The following CHST6 variants were observed in gnomAD, a reference collection of about 807,000 sequenced individuals.
CHST6 encodes carbohydrate sulfotransferase 6.
For synonymous variants in CHST6, 309 were observed against 276.4 expected (o/e 1.12, Z -1.17); for missense variants, 698 against 586.2 (o/e 1.19, Z -1.97).
chr16:75,474,636 A>G lies in CHST6; in HGVS notation c.*4005T>C, dbSNP rs984041452. On this transcript the variant is annotated 3_prime_UTR_variant, in exon 3 of 3. Coordinates refer to ENST00000332272, the MANE Select transcript of CHST6 (RefSeq NM_021615.5). ...ACAGTTCTGGAGGCTGGGAAGCCCA[A>G]GATCAAGGAGCCAGCATCTAGCGAG... 7.5e-6 allele frequency: 3 copies of G among 398,882 alleles called. No homozygotes were observed. The highest frequency in any genetic ancestry group is 1.3e-5 in the Non-Finnish European group (3 of 226,386). The allele number at this position is 398,882 out of a possible 1,614,324, so 24.7% of individuals were successfully genotyped here. A position where few individuals can be genotyped will look rare whatever the true frequency, so the allele number is the denominator to read the frequency against.
At chr16:75,484,809 A>C (rs2080178199) in intron 1 of CHST6, among the ~76,000 whole-genome samples, 1 of 151,998 alleles carries the variant, frequency 6.6e-6, no homozygotes, top group Non-Finnish European at 1.5e-5. Flanking sequence ...GCGCCACTGT[A>C]CTCCAGCCTG....
At chr16:75,485,807 A>T (rs1180406613) in intron 1 of CHST6, among the ~76,000 whole-genome samples, 1 of 152,150 alleles carries the variant, frequency 6.6e-6, no homozygotes, top group Non-Finnish European at 1.5e-5. Context: ...TGGCTATGTG[A>T]CGGTCAAGGG....
chr16:75,479,348 C>G lies in CHST6; in HGVS notation c.481G>C (p.Ala161Pro). ...PLCARQSFTL[A>P]REACRSYSHV... ...CTGTAGGAGCGGCAGGCCTCCCGGG[C>G]CAGGGTGAAGGACTGCCGCGCGCAC... is the stretch of plus-strand genomic sequence containing the variant. The change falls in exon 3 of 3, where the codon GCC becomes CCC. Residue 161 changes from alanine to proline, a missense_variant. Physicochemically the swap from Ala to Pro is conservative, Grantham distance 27. Transcript: ENST00000332272. 6.2e-7 allele frequency: 1 copy of G among 1,612,760 alleles called. No individual in the cohort carries two copies.
In CHST6 at chr16:75,474,403, T is replaced by C. The variant is rs570273277; in HGVS notation, c.*4238A>G. 3.0e-4 allele frequency: 115 copies of C among 382,376 alleles called. No homozygotes were observed. Among genetic ancestry groups the C allele is most frequent in the Admixed American group, 5.9e-4 (13 of 22,196 alleles). The allele number at this position is 382,376 out of a possible 1,614,324, so 23.7% of individuals were successfully genotyped here. On this transcript the variant is annotated 3_prime_UTR_variant, in exon 3 of 3. Transcript: ENST00000332272. ...AGTCCTCCCAACTCAGCCTCCCAAG[T>C]AGCTAGGACTACAGGTGCACGACAC...
intron 2 of CHST6, 43 bp from the exon 3 acceptor site, chr16:75,479,887 G>T: frequency 6.6e-7 from 1 of 1,504,386 alleles, no homozygotes; most frequent in Non-Finnish European, 8.9e-7. Flanking sequence ...CAGCCTGCAC[G>T]CCCATCCCGT....
At chr16:75,485,104 T>C (rs138123382) in intron 1 of CHST6, among the ~76,000 whole-genome samples, 1 of 152,054 alleles carries the variant, frequency 6.6e-6, no homozygotes, top group African/African-American at 2.4e-5. Context: ...ATGATGAAAA[T>C]GATCATATTT....
chr16:75,486,973 T>C (rs904458200), intron 1 of CHST6, among the ~76,000 whole-genome samples: 39 of 152,342 alleles, frequency 2.6e-4, no homozygotes, highest in African/African-American at 8.7e-4. Flanking sequence ...CTCTGAAGAA[T>C]GGCATACTTC....
rs1427596725 is a variant in CHST6 at position 75,475,941 on chromosome 16, A to T, written c.*2700T>A. On this transcript the variant is annotated 3_prime_UTR_variant, in exon 3 of 3. Coordinates refer to ENST00000332272, the MANE Select transcript of CHST6 (RefSeq NM_021615.5). ...GCTCACTGCACTGTCCGCCTCCTGGATTCAAGGGATTCTCCTGCCTCAGCC... is the reference window on the plus strand; with the variant it reads ...GCTCACTGCACTGTCCGCCTCCTGGTTTCAAGGGATTCTCCTGCCTCAGCC... 2.0e-5 allele frequency: 3 copies of T among 152,066 alleles called. No individual in the cohort carries two copies. The highest frequency in any genetic ancestry group is 4.4e-5 in the Non-Finnish European group (3 of 68,034). 9.4% of individuals were successfully genotyped at this position (152,066 alleles called of 1,614,324 possible). A position where few individuals can be genotyped will look rare whatever the true frequency, so the allele number is the denominator to read the frequency against.
chr16:75,476,141 C>T lies in CHST6; in HGVS notation c.*2500G>A, dbSNP rs1454355807. 1 of 152,144 alleles carries T rather than the reference C, an allele frequency of 6.6e-6. No homozygotes were observed. Among genetic ancestry groups the T allele is most frequent in the East Asian group, 1.9e-4 (1 of 5,182 alleles). 9.4% of individuals were successfully genotyped at this position (152,144 alleles called of 1,614,324 possible). On this transcript the variant is annotated 3_prime_UTR_variant, in exon 3 of 3. Coordinates refer to ENST00000332272, the MANE Select transcript of CHST6 (RefSeq NM_021615.5). ...GGATTACAGGCATGAGCCACCACGC[C>T]TGGCTTGTGGTTGAAATCTTAACCC...
chr16:75,477,547 G>A lies in CHST6; in HGVS notation c.*1094C>T, dbSNP rs2080079443. 1 of 152,262 alleles carries A rather than the reference G, an allele frequency of 6.6e-6. No homozygotes were observed. Among genetic ancestry groups the A allele is most frequent in the Non-Finnish European group, 1.5e-5 (1 of 68,108 alleles). The allele number at this position is 152,262 out of a possible 1,614,324, so 9.4% of individuals were successfully genotyped here. A position where few individuals can be genotyped will look rare whatever the true frequency, so the allele number is the denominator to read the frequency against. On this transcript the variant is annotated 3_prime_UTR_variant, in exon 3 of 3. Transcript: ENST00000332272. ...TTTATGTGGCTAACTCAACTTCCCT[G>A]TCCTTTCCAGAGGTTCCATGAGCTC...
chr16:75,479,753 C>A lies in CHST6; in HGVS notation c.76G>T (p.Val26Phe), dbSNP rs756281489. 20 of 1,602,072 alleles carry A rather than the reference C, an allele frequency of 1.2e-5. No individual in the cohort carries two copies. The highest frequency in any genetic ancestry group is 1.5e-5 in the Non-Finnish European group (18 of 1,174,892). The change falls in exon 3 of 3, where the codon GTT (valine) becomes TTT (phenylalanine). Residue 26 changes from valine (V) to phenylalanine (F), a missense_variant. Physicochemically the swap from Val to Phe is conservative, Grantham distance 50. Transcript: ENST00000332272. ...GGGGACGAGGGCCCTGGCCGGGAAACCAGAAAGAGGAGGAGGAAGGTCTGC... is the reference window on the plus strand; with the variant it reads ...GGGGACGAGGGCCCTGGCCGGGAAAACAGAAAGAGGAGGAGGAAGGTCTGC... ...LAQTFLLLFL[V>F]SRPGPSSPAG...
chr16:75,475,524 T>G lies in CHST6; in HGVS notation c.*3117A>C, dbSNP rs2080057468. The G allele has an allele frequency of 6.6e-6, 1 of 152,212 alleles. No individual in the cohort carries two copies. Among genetic ancestry groups the G allele is most frequent in the African/African-American group, 2.4e-5 (1 of 41,432 alleles). 9.4% of individuals were successfully genotyped at this position (152,212 alleles called of 1,614,324 possible). On this transcript the variant is annotated 3_prime_UTR_variant, in exon 3 of 3. Coordinates refer to ENST00000332272, the MANE Select transcript of CHST6 (RefSeq NM_021615.5). ...TGGGCAGTCCCCAGTGATTAAACCTTCCTGTTGGGACTGCACTCTCACAGA... is the reference window on the plus strand; with the variant it reads ...TGGGCAGTCCCCAGTGATTAAACCTGCCTGTTGGGACTGCACTCTCACAGA...
intron 2 of CHST6, among the ~76,000 whole-genome samples, chr16:75,480,813 C>A (rs113376235): frequency 0.018 from 2,665 of 151,350 alleles, 33 homozygotes; most frequent in Non-Finnish European, 0.023. Flanking sequence ...CCTGTAATCC[C>A]CAGCTACTCA....
At position 75,474,831 on chromosome 16, in the gene CHST6, T is replaced by A. The variant is rs1454106601; in HGVS notation, c.*3810A>T. 2 of 395,002 alleles carry A rather than the reference T, an allele frequency of 5.1e-6. No homozygotes were observed. The highest frequency in any genetic ancestry group is 4.1e-5 in the African/African-American group (2 of 48,532). 24.5% of individuals were successfully genotyped at this position (395,002 alleles called of 1,614,324 possible). On this transcript the variant is annotated 3_prime_UTR_variant, in exon 3 of 3. Transcript: ENST00000332272. ...TTTTTTTTAAGACAGACTCTCGCTT[T>A]GTTGCCCAGGCTGGAGTACAGTGGT... is the stretch of plus-strand genomic sequence containing the variant.
intron 1 of CHST6, chr16:75,490,514 G>C (rs1353545745): frequency 2.0e-5 from 3 of 152,120 alleles, no homozygotes; most frequent in African/African-American, 7.2e-5. Flanking sequence ...TTTTTAGGCA[G>C]CGGGGAAATG....
chr16:75,480,658 G>A (rs554942254), intron 2 of CHST6, among the ~76,000 whole-genome samples: 1 of 152,178 alleles, frequency 6.6e-6, no homozygotes, highest in East Asian at 1.9e-4. Context: ...GCTGGGCGTG[G>A]TGGCTCACGC....
At position 75,478,866 on chromosome 16, in the gene CHST6, A is replaced by C; in HGVS notation, c.963T>G (p.Thr321=). The C allele has an allele frequency of 6.2e-7, 1 of 1,613,432 alleles. No homozygotes were observed. The highest frequency in any genetic ancestry group is 1.1e-5 in the South Asian group (1 of 91,088). Residue 321 remains threonine, a synonymous_variant, in exon 3 of 3, where the codon ACT becomes ACG. Coordinates refer to ENST00000332272, the MANE Select transcript of CHST6 (RefSeq NM_021615.5). ...GPGARREAFK[T]SSRNALNVSQ... Reference sequence around the variant, plus strand: ...AGACGTTGAGCGCATTCCTGGACGAAGTCTTGAAGGCTTCGCGGCGCGCAC... The same window carrying C: ...AGACGTTGAGCGCATTCCTGGACGACGTCTTGAAGGCTTCGCGGCGCGCAC...
rs975482031 is a variant in CHST6 at position 75,473,173 on chromosome 16, G to A, written c.*5468C>T. 1.3e-5 allele frequency: 2 copies of A among 152,348 alleles called. No homozygotes were observed. Among genetic ancestry groups the A allele is most frequent in the African/African-American group, 4.8e-5 (2 of 41,456 alleles). 9.4% of individuals were successfully genotyped at this position (152,348 alleles called of 1,614,324 possible). A position where few individuals can be genotyped will look rare whatever the true frequency, so the allele number is the denominator to read the frequency against. The stretch of plus-strand genomic sequence containing the variant: ...TATTGCTCCTAAAGTCTTCGACTTG[G>A]CCGCAGTGCTGGGCTCAGCTGGCCT... On this transcript the variant is annotated 3_prime_UTR_variant, in exon 3 of 3. Coordinates refer to ENST00000332272, the MANE Select transcript of CHST6 (RefSeq NM_021615.5).
chr16:75,492,492 T>G (rs1280114082), intron 1 of CHST6, among the ~76,000 whole-genome samples: 11 of 152,254 alleles, frequency 7.2e-5, no homozygotes, highest in Non-Finnish European at 2.9e-5. Flanking sequence ...AATTACCTTA[T>G]TTTTTAAAAG....
Sources: allele counts gnomAD v4.1 joint callset (sites outside exome capture counted in the v4.1 genomes callset), GRCh38; gene constraint gnomAD v4.1.1; transcripts MANE v1.5; gene names NCBI Gene and HGNC (gene_info 2026-07-23, HGNC 2026-07-21).